Variants in EML6 observed in about 807,000 individuals in gnomAD.
The protein encoded by EML6 is EMAP like 6, also known as echinoderm microtubule-associated protein-like 6.
EML6 carries 154 observed loss-of-function variants against 240.1 expected under a neutral mutation model. That is an observed-to-expected ratio of 0.64 (90% CI 0.56 to 0.73). EML6 has a LOEUF of 0.73. EML6 is among the 30% of genes least tolerant of loss of function. The pLI, the probability that EML6 is intolerant of heterozygous loss-of-function variation, is 0.00. For missense variants in EML6, 2,964 were observed against 2,474.6 expected, an observed-to-expected ratio of 1.20 and a Z score of -4.20; for synonymous variants, 1,148 against 899.0, an observed-to-expected ratio of 1.28 and a Z score of -4.95.
chr2:54,765,986 A>G (rs1238096447), intron 2 of EML6, among the ~76,000 whole-genome samples: 1 of 151,988 alleles, frequency 6.6e-6, no homozygotes, highest in Non-Finnish European at 1.5e-5. Flanking sequence ...ATTTGCTTTA[A>G]TATTCTCTCT....
At chr2:54,793,025 T>G (rs1019494914) in intron 2 of EML6, among the ~76,000 whole-genome samples, 1 of 152,200 alleles carries the variant, frequency 6.6e-6, no homozygotes, top group African/African-American at 2.4e-5. Context: ...CTCAGCACTT[T>G]AGGAGGCTGA....
At chr2:54,857,162 G>C (rs547583050) in intron 11 of EML6, among the ~76,000 whole-genome samples, 39 of 152,190 alleles carry the variant, frequency 2.6e-4, no homozygotes, top group Non-Finnish European at 3.7e-4. Flanking sequence ...GTCTCGGTCT[G>C]TTTTCCTTGT....
intron 17 of EML6, among the ~76,000 whole-genome samples, chr2:54,883,242 T>G (rs987083841): frequency 1.4e-4 from 21 of 152,372 alleles, no homozygotes; most frequent in Admixed American, 1.4e-3. Context: ...TCATTTTTAT[T>G]TACATGTGGA....
At chr2:54,811,513 T>G (rs563658647) in intron 2 of EML6, among the ~76,000 whole-genome samples, 14 of 152,220 alleles carry the variant, frequency 9.2e-5, no homozygotes, top group Non-Finnish European at 1.3e-4. Flanking sequence ...GTATGTATAT[T>G]GACATATCGT....
intron 28 of EML6, among the ~76,000 whole-genome samples, chr2:54,935,136 C>T (rs1030411383): frequency 2.6e-5 from 4 of 152,092 alleles, no homozygotes; most frequent in Admixed American, 2.0e-4. Context: ...TAGGTTGTCA[C>T]GTTTGGTCTT....
At chr2:54,901,948 G>T (rs571042210) in intron 22 of EML6, among the ~76,000 whole-genome samples, 11 of 152,346 alleles carry the variant, frequency 7.2e-5, no homozygotes, top group Admixed American at 7.2e-4. Context: ...AAGGAGTAGA[G>T]AACATGGTTC....
intron 28 of EML6, among the ~76,000 whole-genome samples, chr2:54,941,157 A>G (rs1675409360): frequency 6.6e-6 from 1 of 152,208 alleles, no homozygotes; most frequent in Non-Finnish European, 1.5e-5. Context: ...ATAATTTTAT[A>G]TGTTTATAAG....
intron 7 of EML6, among the ~76,000 whole-genome samples, chr2:54,830,385 G>A (rs1427840726): frequency 6.6e-6 from 1 of 152,142 alleles, no homozygotes; most frequent in Non-Finnish European, 1.5e-5. Context: ...TCCACAGGAT[G>A]AAAACTTACC....
intron 2 of EML6, among the ~76,000 whole-genome samples, chr2:54,806,569 C>T (rs1238084481): frequency 4.8e-5 from 6 of 125,866 alleles, no homozygotes; most frequent in East Asian, 2.3e-4. Context: ...GCTGAGATCA[C>T]GCCCTTGCAC....
intron 2 of EML6, among the ~76,000 whole-genome samples, chr2:54,782,690 CTGTCTTCT>C (rs1668904111): frequency 7.4e-6 from 1 of 135,442 alleles, no homozygotes. Context: ...TGGCTAAATT[CTGTCTTCT>C]TGTCTTCTTC....
intron 28 of EML6, among the ~76,000 whole-genome samples, chr2:54,935,013 T>A (rs1268707157): frequency 1.3e-5 from 2 of 152,246 alleles, no homozygotes; most frequent in African/African-American, 4.8e-5. Context: ...TATTGGTAGA[T>A]ATTCCTTTTT....
At chr2:54,918,198 C>T (rs1558684898) in intron 26 of EML6, among the ~76,000 whole-genome samples, 1 of 152,174 alleles carries the variant, frequency 6.6e-6, no homozygotes, top group East Asian at 1.9e-4. Context: ...CTTGTCAGAG[C>T]ATTTTCTCTC....
intron 5 of EML6, among the ~76,000 whole-genome samples, chr2:54,821,978 C>T (rs763198453): frequency 1.3e-5 from 2 of 152,008 alleles, no homozygotes. Context: ...TTAAAATATT[C>T]TGTATAATTC....
chr2:54,759,325 A>G (rs1185361533), intron 2 of EML6, among the ~76,000 whole-genome samples: 1 of 151,692 alleles, frequency 6.6e-6, no homozygotes, highest in Non-Finnish European at 1.5e-5. Context: ...AATACTGTCC[A>G]AAGAATTTTT....
In EML6 at chr2:54,725,903, C is replaced by G. The variant is rs572160046; in HGVS notation, c.197+645C>G. Among the ~76,000 whole-genome samples, 79 of 152,302 alleles carry G rather than the reference C, an allele frequency of 5.2e-4. No homozygotes were observed. The highest frequency in any genetic ancestry group is 1.6e-3 in the African/African-American group (67 of 41,566). ...TGCTGGATCACAAAATCCTACCAGC[C>G]AGCCCACACAATGACCAACATCTGC... On this transcript the variant is annotated intron_variant, in intron 2 of 41. Coordinates refer to ENST00000356458, the MANE Select transcript of EML6 (RefSeq NM_001039753.4). This position sits in a 1 kb window ranked among gnomAD's most constrained non-coding sequence, Gnocchi z 4.3.
In EML6 at chr2:54,894,995, T is replaced by TA; in HGVS notation, c.2827dup (p.Arg943LysfsTer7). On this transcript the variant is annotated frameshift_variant, in exon 20 of 42. Transcript: ENST00000356458. LOFTEE classifies it high-confidence loss of function. Reference sequence around the variant, plus strand: ...AAAGATGTTTGAAGACTTATGCCATTAAAAGATCAGCATTGTCGACTAGCT... The same window carrying TA: ...AAAGATGTTTGAAGACTTATGCCATTAAAAAGATCAGCATTGTCGACTAGCT... 4 of 1,551,486 alleles carry TA rather than the reference T, an allele frequency of 2.6e-6. No individual in the cohort carries two copies. The East Asian group carries it at 9.8e-5, about 38-fold the overall frequency.
intron 7 of EML6, 93 bp from the exon 8 acceptor site, chr2:54,843,954 C>G: frequency 2.9e-6 from 2 of 680,230 alleles, no homozygotes; most frequent in Non-Finnish European, 4.4e-6. Context: ...AGGGCATTTA[C>G]TTTAGGGTTT....
At chr2:54,768,137 C>A (rs1209428140) in intron 2 of EML6, among the ~76,000 whole-genome samples, 1 of 151,968 alleles carries the variant, frequency 6.6e-6, no homozygotes, top group Non-Finnish European at 1.5e-5. Context: ...TGTTTCAGTT[C>A]TCATTATAGT....
chr2:54,885,756 C>A (rs926556843), intron 17 of EML6, among the ~76,000 whole-genome samples: 1 of 151,728 alleles, frequency 6.6e-6, no homozygotes, highest in African/African-American at 2.4e-5. Flanking sequence ...GGACTACAGG[C>A]GCCAGCCACC....
Sources: allele counts gnomAD v4.1 joint callset (sites outside exome capture counted in the v4.1 genomes callset), GRCh38; gene constraint gnomAD v4.1.1; non-coding constraint Gnocchi (gnomAD v3.1); transcripts MANE v1.5; gene names NCBI Gene and HGNC (gene_info 2026-07-23, HGNC 2026-07-21).